Variants in RBFOX1 observed in about 807,000 individuals in gnomAD.
RBFOX1 encodes RNA binding fox-1 homolog 1.
In RBFOX1, 8 loss-of-function variants were observed where a neutral mutation model predicts 57.7. The observed-to-expected ratio is 0.14, with a 90% CI of 0.08 to 0.25. The LOEUF is 0.25. RBFOX1 is among the 10% of genes least tolerant of loss of function. The probability of loss-of-function intolerance (pLI) is 1.00; values close to 1 mark genes in which losing one functional copy is unlikely to be tolerated. For missense variants in RBFOX1, 611 were observed against 548.5 expected (o/e 1.11, Z -1.14); for synonymous variants, 326 against 222.4 (o/e 1.47, Z -4.15).
chr16:6,623,473 T>C (rs557198711), intron 2 of RBFOX1, among the ~76,000 whole-genome samples: 2 of 152,046 alleles, frequency 1.3e-5, no homozygotes, highest in East Asian at 1.9e-4. Flanking sequence ...CTTTAAGTTT[T>C]AGGGTACATG....
At chr16:7,243,605 T>C (rs2094162130) in intron 4 of RBFOX1, among the ~76,000 whole-genome samples, 1 of 152,134 alleles carries the variant, frequency 6.6e-6, no homozygotes, top group East Asian at 1.9e-4. Context: ...TGTAATGCAG[T>C]GGCATGATAA....
At chr16:5,459,113 A>G (rs1022135882) in intron 1 of RBFOX1, among the ~76,000 whole-genome samples, 14 of 152,176 alleles carry the variant, frequency 9.2e-5, no homozygotes, top group African/African-American at 3.1e-4. Context: ...GGTGACTCTC[A>G]GAGTCTCTGG....
At chr16:5,386,576 C>G (rs887978328) in intron 1 of RBFOX1, among the ~76,000 whole-genome samples, 1 of 152,122 alleles carries the variant, frequency 6.6e-6, no homozygotes, top group African/African-American at 2.4e-5. Context: ...CACTGCAGCC[C>G]CACTCTCTCT....
intron 2 of RBFOX1, among the ~76,000 whole-genome samples, chr16:6,485,758 G>A (rs1050023229): frequency 1.3e-5 from 2 of 152,130 alleles, no homozygotes; most frequent in African/African-American, 4.8e-5. Context: ...AGTACTTTCT[G>A]TCTCATGACT....
At chr16:7,612,225 G>C (rs2057623721) in intron 10 of RBFOX1, among the ~76,000 whole-genome samples, 1 of 150,624 alleles carries the variant, frequency 6.6e-6, no homozygotes, top group Non-Finnish European at 1.5e-5. Context: ...GGAGGCAGAG[G>C]CAGGAGAATG....
chr16:6,081,345 T>C (rs1401199097), intron 1 of RBFOX1, among the ~76,000 whole-genome samples: 1 of 152,198 alleles, frequency 6.6e-6, no homozygotes, highest in Non-Finnish European at 1.5e-5. Flanking sequence ...AAATGATTAG[T>C]ATAACATTCC....
rs1402840282 is a variant in RBFOX1, at chr16:6,675,358, C to A, written c.-16+20708C>A. Among the ~76,000 whole-genome samples, 4 of 152,226 alleles carry A rather than the reference C, an allele frequency of 2.6e-5. 1 individual carries two copies. In the South Asian group the frequency reaches 6.2e-4, roughly 24 times the overall value. On this transcript the variant is annotated intron_variant, in intron 3 of 15. Transcript: ENST00000550418. ...CAAATGTCATCAGAAGTGTATCTGT[C>A]CCAATTTCTCATTTTTTTTTTCTTG...
At chr16:6,526,247 T>A (rs1028210739) in intron 2 of RBFOX1, among the ~76,000 whole-genome samples, 2 of 152,208 alleles carry the variant, frequency 1.3e-5, no homozygotes, top group African/African-American at 4.8e-5. Context: ...CTGCCACCAT[T>A]GAGTAATAGA....
chr16:5,717,273 T>G (rs12051167), intron 3 of RBFOX1, among the ~76,000 whole-genome samples: 48,790 of 151,980 alleles, frequency 0.32, 8,843 homozygotes, highest in East Asian at 0.64. Context: ...CCTGTGAATT[T>G]ATCTTTGCAC....
At chr16:7,479,827 C>G (rs960203470) in intron 4 of RBFOX1, among the ~76,000 whole-genome samples, 1 of 152,208 alleles carries the variant, frequency 6.6e-6, no homozygotes, top group East Asian at 1.9e-4. Context: ...TGTGAAGAGT[C>G]TTCCCCAGAA....
At chr16:6,760,916 G>A (rs149509512) in intron 3 of RBFOX1, among the ~76,000 whole-genome samples, 9 of 152,122 alleles carry the variant, frequency 5.9e-5, no homozygotes, top group African/African-American at 1.4e-4. Flanking sequence ...CTAGCACTGC[G>A]TCTGGTCAAT....
chr16:6,789,566 C>T (rs984578923), intron 3 of RBFOX1, among the ~76,000 whole-genome samples: 1 of 152,198 alleles, frequency 6.6e-6, no homozygotes, highest in Admixed American at 6.5e-5. Flanking sequence ...GCGCCATTTT[C>T]TGTATCCATA....
intron 3 of RBFOX1, among the ~76,000 whole-genome samples, chr16:6,798,683 C>T (rs905159984): frequency 1.3e-5 from 2 of 152,144 alleles, no homozygotes; most frequent in South Asian, 2.1e-4. Context: ...GTGCTTTTCA[C>T]TAATTAAGTT....
At chr16:5,993,652 C>G (rs929823551) in intron 4 of RBFOX1, among the ~76,000 whole-genome samples, 7 of 152,120 alleles carry the variant, frequency 4.6e-5, no homozygotes, top group Non-Finnish European at 1.0e-4. Context: ...ATCAAGGAGC[C>G]ATAATCAAGA....
intron 3 of RBFOX1, among the ~76,000 whole-genome samples, chr16:6,985,101 T>G (rs974291011): frequency 2.0e-5 from 3 of 151,966 alleles, no homozygotes; most frequent in African/African-American, 7.3e-5. Context: ...CTCTCCCCTC[T>G]CCTTCCTTCC....
At chr16:6,606,627 T>C (rs1010887807) in intron 2 of RBFOX1, among the ~76,000 whole-genome samples, 1 of 152,192 alleles carries the variant, frequency 6.6e-6, no homozygotes, top group Non-Finnish European at 1.5e-5. Flanking sequence ...TTTGGTTTTC[T>C]GTGTTAGTTT....
In RBFOX1 at chr16:7,696,652, T is replaced by C. The variant is rs145312049; in HGVS notation, c.996-12404T>C. On this transcript the variant is annotated intron_variant, in intron 14 of 15. Coordinates refer to ENST00000550418, the MANE Select transcript of RBFOX1 (RefSeq NM_018723.4). ...AGGAGAAGGTCTCATCAAAAGACCT[T>C]CATGGTATGGGAGAACAGATCCCAA... 2.9e-3 allele frequency among the ~76,000 whole-genome samples: 435 copies of C among 152,254 alleles called. 2 individuals are homozygous for C. The highest frequency in any genetic ancestry group is 9.9e-3 in the African/African-American group (411 of 41,540).
At chr16:5,971,824 C>T (rs1163919969) in intron 4 of RBFOX1, among the ~76,000 whole-genome samples, 1 of 152,180 alleles carries the variant, frequency 6.6e-6, no homozygotes, top group African/African-American at 2.4e-5. Context: ...ATTCTGCATG[C>T]TTCTATGAGG....
intron 3 of RBFOX1, among the ~76,000 whole-genome samples, chr16:6,918,902 G>T (rs1471900946): frequency 6.6e-6 from 1 of 152,154 alleles, no homozygotes; most frequent in Non-Finnish European, 1.5e-5. Flanking sequence ...TGGGGGTGGG[G>T]AGGAAAGTGG....
Sources: allele counts gnomAD v4.1 joint callset (sites outside exome capture counted in the v4.1 genomes callset), GRCh38; gene constraint gnomAD v4.1.1; transcripts MANE v1.5; gene names NCBI Gene and HGNC (gene_info 2026-07-23, HGNC 2026-07-21).